AP4S1: variants seen among roughly 807,000 people sequenced by gnomAD.
The protein encoded by AP4S1 is adaptor related protein complex 4 subunit sigma 1.
Under a neutral mutation model 19.8 loss-of-function variants are expected in AP4S1, and 23 were observed. That is an observed-to-expected ratio of 1.16 (90% CI 0.84 to 1.65). The LOEUF (loss-of-function observed/expected upper bound fraction) is 1.65, where lower values mean the gene tolerates loss of function less well. Among genes scored for constraint, AP4S1 ranks in the 40% most tolerant of loss-of-function variants. The pLI is 0.00. For synonymous variants in AP4S1, 46 were observed against 54.1 expected, an observed-to-expected ratio of 0.85 and a Z score of 0.66; for missense variants, 166 against 172.8, an observed-to-expected ratio of 0.96 and a Z score of 0.22.
At chr14:31,067,331 GT>G (rs1886775899) in intron 2 of AP4S1, among the ~76,000 whole-genome samples, 1 of 149,956 alleles carries the variant, frequency 6.7e-6, no homozygotes, top group Non-Finnish European at 1.5e-5. Flanking sequence ...ATGCAGGTTT[GT>G]TACATATGTA....
chr14:31,042,568 A>G (rs1216978520), intron 1 of AP4S1, among the ~76,000 whole-genome samples: 1 of 152,188 alleles, frequency 6.6e-6, no homozygotes, highest in Non-Finnish European at 1.5e-5. Context: ...TAAAAATAAA[A>G]CAAGTACTTT....
At chr14:31,037,726 G>GCC (rs1396056851) in intron 1 of AP4S1, among the ~76,000 whole-genome samples, 2 of 152,134 alleles carry the variant, frequency 1.3e-5, no homozygotes, top group African/African-American at 4.8e-5. Context: ...AAGGTGGGAG[G>GCC]ATTGTTTGAG....
intron 1 of AP4S1, among the ~76,000 whole-genome samples, chr14:31,049,428 A>AAAAATATATAT (rs1384450221): frequency 8.7e-5 from 5 of 57,738 alleles, no homozygotes; most frequent in African/African-American, 1.6e-4. Flanking sequence ...AAAAAAAAAA[A>AAAAATATATAT]ATATATATAT....
At chr14:31,038,918 G>A (rs1243305979) in intron 1 of AP4S1, among the ~76,000 whole-genome samples, 4 of 151,934 alleles carry the variant, frequency 2.6e-5, no homozygotes, top group South Asian at 2.1e-4. Context: ...TATAGCAATG[G>A]AAGTCTTTCA....
At chr14:31,073,363 G>A (rs534409961) in intron 4 of AP4S1, among the ~76,000 whole-genome samples, 34 of 132,578 alleles carry the variant, frequency 2.6e-4, no homozygotes, top group African/African-American at 4.9e-4. Context: ...GGTGGTGGGC[G>A]CCTGTAGTCC....
chr14:31,060,347 G>A (rs192708209), intron 1 of AP4S1, among the ~76,000 whole-genome samples: 10 of 152,164 alleles, frequency 6.6e-5, no homozygotes, highest in Admixed American at 3.9e-4. Flanking sequence ...GGGCAGTCCC[G>A]GAAACAATAC....
At chr14:31,088,334 G>C (rs1335499170) in intron 5 of AP4S1, among the ~76,000 whole-genome samples, 3 of 152,244 alleles carry the variant, frequency 2.0e-5, no homozygotes, top group African/African-American at 7.2e-5. Context: ...AATAGTGACA[G>C]CAAGTTATGA....
At chr14:31,026,119 C>G in intron 1 of AP4S1, 1 of 1,506,406 alleles carries the variant, frequency 6.6e-7, no homozygotes, top group Non-Finnish European at 8.8e-7. Flanking sequence ...CCCCCAGGTC[C>G]CTGCTGCTGC....
At chr14:31,060,420 G>T (rs1419957992) in intron 1 of AP4S1, among the ~76,000 whole-genome samples, 1 of 152,142 alleles carries the variant, frequency 6.6e-6, no homozygotes, top group East Asian at 1.9e-4. Flanking sequence ...ATTTACTGTA[G>T]ACCAGCGCCT....
chr14:31,067,630 C>T (rs562458588), intron 2 of AP4S1, among the ~76,000 whole-genome samples: 20 of 151,124 alleles, frequency 1.3e-4, no homozygotes, highest in Non-Finnish European at 1.9e-4. Flanking sequence ...GCGATTCTCC[C>T]GCCTCAGCCT....
intron 5 of AP4S1, among the ~76,000 whole-genome samples, chr14:31,089,163 CAAA>C (rs34280899): frequency 1.1e-4 from 12 of 105,872 alleles, no homozygotes; most frequent in Admixed American, 9.3e-5. Flanking sequence ...TTGTCTTAAC[CAAA>C]AAAAAAAAAA....
Position 31,073,471 on chromosome 14 carries a change from CAG to C in AP4S1, c.294+501_294+502del, listed in dbSNP as rs1470380829. On this transcript the variant is annotated intron_variant, in intron 4 of 5. Transcript: ENST00000542754. ...CGCCACTGCACTCCAGCCTGGGCAACAGAGCGAGACTCCGTCTCAGAAAAAAA... is the reference window on the plus strand; with the variant it reads ...CGCCACTGCACTCCAGCCTGGGCAACAGCGAGACTCCGTCTCAGAAAAAAA... Among the ~76,000 whole-genome samples the C allele has an allele frequency of 4.7e-5, 7 of 147,722 alleles. No individual in the cohort carries two copies. The East Asian group carries it at 8.0e-4, about 17-fold the overall frequency.
intron 5 of AP4S1, chr14:31,085,673 T>A: frequency 1.5e-6 from 1 of 645,602 alleles, no homozygotes. Context: ...CTAGGGAGGC[T>A]GAGGTGGGAG....
chr14:31,072,830 G>A (rs1887087914), intron 3 of AP4S1, 75 bp from the exon 4 acceptor site: 1 of 1,243,106 alleles, frequency 8.0e-7, no homozygotes, highest in Non-Finnish European at 1.2e-6. Context: ...CCTGGACACT[G>A]ACTGGGAAGT....
intron 1 of AP4S1, among the ~76,000 whole-genome samples, chr14:31,036,508 A>G (rs535767583): frequency 6.6e-6 from 1 of 152,292 alleles, no homozygotes; most frequent in South Asian, 2.1e-4. Flanking sequence ...AATTTTAGTA[A>G]TGTTACTAAA....
At chr14:31,073,002 C>T (rs1887098592) in intron 4 of AP4S1, 29 bp downstream of exon 4, 1 of 1,563,244 alleles carries the variant, frequency 6.4e-7, no homozygotes, top group Non-Finnish European at 8.8e-7. Context: ...AAATGGTTTA[C>T]TTCCTCAACC....
chr14:31,067,324 C>A (rs573423975), intron 2 of AP4S1, among the ~76,000 whole-genome samples: 1 of 150,744 alleles, frequency 6.6e-6, no homozygotes, highest in African/African-American at 2.4e-5. Context: ...GGACAACATG[C>A]AGGTTTGTTA....
At chr14:31,045,090 C>T (rs1300759458) in intron 1 of AP4S1, among the ~76,000 whole-genome samples, 6 of 151,616 alleles carry the variant, frequency 4.0e-5, no homozygotes, top group African/African-American at 1.5e-4. Context: ...TTAGTAGAGA[C>T]GGGGTTTCAC....
intron 1 of AP4S1, among the ~76,000 whole-genome samples, chr14:31,031,619 G>A (rs1169026412): frequency 1.3e-5 from 2 of 152,108 alleles, no homozygotes; most frequent in Non-Finnish European, 1.5e-5. Flanking sequence ...AACTCTTGAT[G>A]TTGTGCTTTG....
Sources: gnomAD v4.1 joint callset for allele counts (sites outside exome capture counted in the v4.1 genomes callset) on GRCh38, gnomAD v4.1.1 for gene constraint, MANE v1.5 for transcripts, NCBI Gene and HGNC (gene_info 2026-07-23, HGNC 2026-07-21) for gene names.